TNMD: variants seen among roughly 807,000 people sequenced by gnomAD.
TNMD encodes BRICHOS domain containing 4.
In TNMD, 15 loss-of-function variants were observed where a neutral mutation model predicts 26.9. The ratio of observed to expected loss-of-function variants is 0.56; its 90% CI spans 0.37 to 0.86. The LOEUF is 0.86. TNMD is among the 40% of genes least tolerant of loss of function. TNMD has a pLI of 0.00. For missense variants in TNMD, 222 were observed against 242.6 expected (o/e 0.92, Z 0.56); for synonymous variants, 73 against 77.0 (o/e 0.95, Z 0.27).
At chrX:100,585,150 G>A (rs2082918365) in intron 1 of TNMD, 81 bp from the exon 2 acceptor site, 11 of 1,167,634 alleles carry the variant, frequency 9.4e-6, no homozygotes, top group Non-Finnish European at 1.3e-5. Flanking sequence ...ATTAGAAAGT[G>A]GAATCAAAGG....
In TNMD at chrX:100,599,881, A is replaced by C. The variant is rs1416073776; in HGVS notation, c.*164A>C. 2.1e-6 allele frequency: 1 copy of C among 469,266 alleles called. No homozygotes were observed. The highest frequency in any genetic ancestry group is 3.6e-6 in the Non-Finnish European group (1 of 275,702). The allele number at this position is 469,266 out of a possible 1,213,427, so 38.7% of individuals were successfully genotyped here. A position where few individuals can be genotyped will look rare whatever the true frequency, so the allele number is the denominator to read the frequency against. ...TGTTCTAATAAACTTCTACATTATC[A>C]CCAACAGCCTGATTGCTGCTGAACA... On this transcript the variant is annotated 3_prime_UTR_variant, in exon 7 of 7. Transcript: ENST00000373031.
chrX:100,595,052 G>T (rs1003636880), intron 4 of TNMD, among the ~76,000 whole-genome samples: 2 of 111,752 alleles, frequency 1.8e-5, no homozygotes, highest in African/African-American at 3.3e-5. Context: ...AAAATACAAC[G>T]ATCTGTAAGG....
intron 4 of TNMD, among the ~76,000 whole-genome samples, chrX:100,595,384 G>A (rs1297963601): frequency 3.6e-5 from 4 of 110,354 alleles, no homozygotes; most frequent in Non-Finnish European, 7.6e-5. Flanking sequence ...CAAAGTGCTG[G>A]GATTACAGGC....
At chrX:100,597,481 C>G (rs370976073) in intron 4 of TNMD, 23 bp from the exon 5 acceptor site, 23 of 1,207,825 alleles carry the variant, frequency 1.9e-5, no homozygotes, top group Middle Eastern at 4.6e-4. Context: ...CAATCCCTAC[C>G]CTAAGCTACT....
In TNMD at chrX:100,599,529, G is replaced by C. The variant is rs2082962814; in HGVS notation, c.766G>C (p.Asp256His). 8.3e-7 allele frequency: 1 copy of C among 1,209,030 alleles called. No homozygotes were observed. Among genetic ancestry groups the C allele is most frequent in the Admixed American group, 2.2e-5 (1 of 45,863 alleles). The change falls in exon 7 of 7, where the codon GAT becomes CAT. Residue 256 changes from aspartate (D) to histidine (H), a missense_variant. Physicochemically the swap from Asp to His is moderately conservative, Grantham distance 81. Transcript: ENST00000373031. The stretch of plus-strand genomic sequence containing the variant: ...TCAGACTGAAAATGGAATAGAATTT[G>C]ATCCCATGCTGGATGAGAGAGGTTA... The part of the protein sequence containing the change: ...NDYTENGIEF[D>H]PMLDERGYCC...
In TNMD at chrX:100,593,996, T is replaced by C; in HGVS notation, c.282T>C (p.Asn94=). The part of the protein sequence containing the change: ...VTRTEIFRSG[N]GTDETLEVHD... ...GAACTGAAATATTCAGAAGCGGAAA[T>C]GGCACTGATGAAACATTGGAAGTGC... The change falls in exon 3 of 7, where the codon AAT becomes AAC. Residue 94 remains asparagine (N), a synonymous_variant. Coordinates refer to ENST00000373031, the MANE Select transcript of TNMD (RefSeq NM_022144.3). The C allele has an allele frequency of 1.7e-6, 2 of 1,210,498 alleles. No individual in the cohort carries two copies. Among genetic ancestry groups the C allele is most frequent in the Non-Finnish European group, 2.2e-6 (2 of 894,769 alleles).
At chrX:100,586,534 C>G (rs1344191490) in intron 2 of TNMD, among the ~76,000 whole-genome samples, 2 of 111,609 alleles carry the variant, frequency 1.8e-5, no homozygotes, top group African/African-American at 6.5e-5. Flanking sequence ...AGCATAACCA[C>G]CCTTGGGTTC....
intron 2 of TNMD, among the ~76,000 whole-genome samples, chrX:100,586,375 T>C (rs2082921992): frequency 9.0e-6 from 1 of 111,074 alleles, no homozygotes; most frequent in South Asian, 3.8e-4. Context: ...AGGAGGATGA[T>C]ACAAGAAAAT....
At chrX:100,594,113 T>C (rs2082946132) in intron 3 of TNMD, 78 bp downstream of exon 3, 1 of 1,061,757 alleles carries the variant, frequency 9.4e-7, no homozygotes, top group Admixed American at 2.9e-5. Context: ...ATAGCCTCCA[T>C]CTAAAATTTG....
intron 3 of TNMD, 29 bp downstream of exon 3, chrX:100,594,064 T>C: frequency 8.4e-7 from 1 of 1,186,271 alleles, no homozygotes; most frequent in Non-Finnish European, 1.1e-6. Context: ...TCCTAAGGCT[T>C]TCCACTTAAA....
chrX:100,598,523 G>T (rs1286985215), intron 5 of TNMD, among the ~76,000 whole-genome samples: 2 of 111,688 alleles, frequency 1.8e-5, no homozygotes, highest in East Asian at 5.6e-4. Context: ...AACATTAGGG[G>T]AAACCGGGTG....
chrX:100,599,446 T>G, intron 6 of TNMD, 62 bp from the exon 7 acceptor site: 48 of 1,001,962 alleles, frequency 4.8e-5, no homozygotes, highest in Non-Finnish European at 6.1e-5. Context: ...CCCTGCTTGG[T>G]GAGAACTCTT....
intron 2 of TNMD, among the ~76,000 whole-genome samples, chrX:100,591,798 A>C (rs2082938583): frequency 9.0e-6 from 1 of 111,728 alleles, no homozygotes; most frequent in Admixed American, 9.5e-5. Context: ...CCTACCAAAA[A>C]AACTCTTTGC....
intron 5 of TNMD, among the ~76,000 whole-genome samples, chrX:100,598,675 C>T (rs1307228196): frequency 8.9e-6 from 1 of 112,122 alleles, no homozygotes; most frequent in East Asian, 2.8e-4. Context: ...TTCAGGCAAC[C>T]AAGAAATATT....
intron 4 of TNMD, 39 bp from the exon 5 acceptor site, chrX:100,597,465 C>A: frequency 8.4e-7 from 1 of 1,196,649 alleles, no homozygotes. Flanking sequence ...CTACTAATTT[C>A]TCTGCCAATC....
In TNMD at chrX:100,585,294, A is replaced by G. The variant is rs141371868; in HGVS notation, c.112A>G (p.Ile38Val). ...TAAGATTTGTGGACTGGTGTTTGGT[A>G]TCCTGGCCCTAACTCTAATTGTCCT... The part of the protein sequence containing the change: ...SLKICGLVFG[I>V]LALTLIVLFW... The change falls in exon 2 of 7, where the codon ATC becomes GTC. Residue 38 changes from isoleucine (I) to valine (V), a missense_variant. By Grantham distance (29) the Ile-to-Val change is conservative (BLOSUM62 3). Transcript: ENST00000373031. 1,958 of 1,209,005 alleles carry G rather than the reference A, an allele frequency of 1.6e-3. 3 individuals carry two copies. The highest frequency in any genetic ancestry group is 1.9e-3 in the Non-Finnish European group (1,744 of 894,444).
At chrX:100,598,081 T>G (rs1316930581) in intron 5 of TNMD, among the ~76,000 whole-genome samples, 1 of 112,028 alleles carries the variant, frequency 8.9e-6, no homozygotes, top group South Asian at 3.8e-4. Context: ...CCTTAGAAGA[T>G]AGGACAATCA....
In TNMD at chrX:100,585,351, G is replaced by A. The variant is rs751377248; in HGVS notation, c.169G>A (p.Val57Ile). 9.1e-6 allele frequency: 11 copies of A among 1,207,392 alleles called. No individual in the cohort carries two copies. The South Asian group carries it at 2.0e-4, about 21-fold the overall frequency. ...GGGGAGCAAGCACTTCTGGCCGGAG[G>A]TACCCAAAAAAGTAAGTAAATACAC... is the stretch of plus-strand genomic sequence containing the variant. ...FWGSKHFWPEVPKKAYDMEHT... is the reference protein window; with the variant it reads ...FWGSKHFWPEIPKKAYDMEHT... Residue 57 changes from valine (V) to isoleucine (I), a missense_variant, in exon 2 of 7, where the codon GTA becomes ATA. Val to Ile is a conservative substitution (Grantham distance 29, BLOSUM62 3). Coordinates refer to ENST00000373031, the MANE Select transcript of TNMD (RefSeq NM_022144.3).
intron 4 of TNMD, among the ~76,000 whole-genome samples, chrX:100,595,449 C>CACTT (rs1556002886): frequency 9.4e-6 from 1 of 106,004 alleles, no homozygotes; most frequent in Admixed American, 1.0e-4. Context: ...CTATAAAAAC[C>CACTT]TCTTTCTTTC....
Sources: gnomAD v4.1 joint callset for allele counts (sites outside exome capture counted in the v4.1 genomes callset) on GRCh38, gnomAD v4.1.1 for gene constraint, MANE v1.5 for transcripts, NCBI Gene and HGNC (gene_info 2026-07-23, HGNC 2026-07-21) for gene names.